Variants in METTL24 observed in about 807,000 individuals in gnomAD.
METTL24 encodes methyltransferase like 24.
Under a neutral mutation model 32.7 loss-of-function variants are expected in METTL24, and 29 were observed. The ratio of observed to expected loss-of-function variants is 0.89; its 90% confidence interval spans 0.66 to 1.21. The LOEUF is 1.21. METTL24 is among the 50% of genes most tolerant of loss of function. The probability of loss-of-function intolerance (pLI) is 0.00; values close to 1 mark genes in which losing one functional copy is unlikely to be tolerated. For missense variants in METTL24, 439 were observed against 468.1 expected, an observed-to-expected ratio of 0.94 and a Z score of 0.57; for synonymous variants, 163 against 179.5, an observed-to-expected ratio of 0.91 and a Z score of 0.73.
intron 4 of METTL24, among the ~76,000 whole-genome samples, chr6:110,258,667 G>C (rs371529807): frequency 3.3e-5 from 5 of 152,074 alleles, no homozygotes; most frequent in African/African-American, 9.6e-5. Context: ...GTGAAAATCT[G>C]ATCCAACTCC....
rs569967211 is a variant in METTL24, at chr6:110,282,689, C to T, written c.786+16233G>A. On this transcript the variant is annotated intron_variant, in intron 4 of 4. Coordinates refer to ENST00000338882, the MANE Select transcript of METTL24 (RefSeq NM_001123364.3). ...TTAACATTGCTCTCCTGTGCCAATACCAAGACCAGAGTAATTATAAGAAAC... is the reference window on the plus strand; with the variant it reads ...TTAACATTGCTCTCCTGTGCCAATATCAAGACCAGAGTAATTATAAGAAAC... Among the ~76,000 whole-genome samples, 3 of 151,142 alleles carry T rather than the reference C, an allele frequency of 2.0e-5. No homozygotes were observed. The South Asian group carries it at 6.3e-4, about 32-fold the overall frequency.
intron 1 of METTL24, among the ~76,000 whole-genome samples, chr6:110,353,915 T>C (rs1440474719): frequency 6.6e-6 from 1 of 152,018 alleles, no homozygotes; most frequent in African/African-American, 2.4e-5. Flanking sequence ...GTAATCATAG[T>C]AAAGGTCTGT....
chr6:110,350,819 A>AAATAAAATAAAATAAAAT (rs1582447729), intron 1 of METTL24, among the ~76,000 whole-genome samples: 1 of 145,514 alleles, frequency 6.9e-6, no homozygotes, highest in Non-Finnish European at 1.5e-5. Context: ...AAATAAAATA[A>AAATAAAATAAAATAAAAT]AAAATTAGGC....
chr6:110,292,850 A>G (rs1582405740), intron 4 of METTL24, among the ~76,000 whole-genome samples: 1 of 152,070 alleles, frequency 6.6e-6, no homozygotes, highest in African/African-American at 2.4e-5. Flanking sequence ...AATTTTACTG[A>G]CACATCCATC....
chr6:110,253,384 G>C (rs988243446), intron 4 of METTL24, among the ~76,000 whole-genome samples: 4 of 152,128 alleles, frequency 2.6e-5, no homozygotes, highest in Admixed American at 2.0e-4. Context: ...ATCAATTGTT[G>C]GGTTAAAAAG....
chr6:110,349,529 C>T (rs1374455739), intron 1 of METTL24, among the ~76,000 whole-genome samples: 1 of 152,180 alleles, frequency 6.6e-6, no homozygotes, highest in Non-Finnish European at 1.5e-5. Flanking sequence ...TAAACTGGCC[C>T]CTCCCACCCA....
At chr6:110,250,944 A>C (rs972966164) in intron 4 of METTL24, among the ~76,000 whole-genome samples, 5 of 152,200 alleles carry the variant, frequency 3.3e-5, no homozygotes, top group African/African-American at 1.2e-4. Context: ...TACAGTTTCT[A>C]ATCTGAGCCT....
In METTL24 at chr6:110,298,943, C is replaced by CA. The variant is rs1485562977; in HGVS notation, c.764dup (p.Leu255PhefsTer3). On this transcript the variant is annotated frameshift_variant, in exon 4 of 5. Coordinates refer to ENST00000338882, the MANE Select transcript of METTL24 (RefSeq NM_001123364.3). LOFTEE classifies it high-confidence loss of function. ...TCACCTTGTGATGTCCAAATTCATT[C>CA]AAAATGCTTCCCAGTTTTCTGGTGT... 6.2e-7 allele frequency: 1 copy of CA among 1,613,974 alleles called. No homozygotes were observed. The highest frequency in any genetic ancestry group is 8.5e-7 in the Non-Finnish European group (1 of 1,180,022).
chr6:110,318,229 G>T (rs1036347472), intron 2 of METTL24, among the ~76,000 whole-genome samples: 1 of 152,218 alleles, frequency 6.6e-6, no homozygotes, highest in Non-Finnish European at 1.5e-5. Flanking sequence ...ATGACACTTT[G>T]TCTACTTTAA....
intron 4 of METTL24, among the ~76,000 whole-genome samples, chr6:110,268,306 T>G (rs751744503): frequency 2.5e-4 from 38 of 152,158 alleles, no homozygotes; most frequent in Non-Finnish European, 4.7e-4. Context: ...ACATATCTAT[T>G]AAGTGGTGGA....
At chr6:110,322,691 A>G (rs1484575704) in intron 2 of METTL24, 83 bp downstream of exon 2, 2 of 1,172,992 alleles carry the variant, frequency 1.7e-6, no homozygotes, top group Non-Finnish European at 2.5e-6. Flanking sequence ...AGTCGCTGAG[A>G]ACCTCCCCCA....
At chr6:110,273,157 G>A (rs916146905) in intron 4 of METTL24, among the ~76,000 whole-genome samples, 1 of 152,054 alleles carries the variant, frequency 6.6e-6, no homozygotes, top group African/African-American at 2.4e-5. Context: ...TGAGAGATGA[G>A]GATCCAGTTT....
intron 1 of METTL24, among the ~76,000 whole-genome samples, chr6:110,354,715 G>T (rs1038574164): frequency 2.6e-5 from 4 of 152,200 alleles, no homozygotes; most frequent in Admixed American, 1.3e-4. Flanking sequence ...TTTGTTCCCA[G>T]AAGTGGGAGG....
intron 4 of METTL24, among the ~76,000 whole-genome samples, chr6:110,252,593 C>A (rs1178216448): frequency 1.3e-5 from 2 of 152,202 alleles, no homozygotes; most frequent in Admixed American, 6.5e-5. Flanking sequence ...CAACCACTAT[C>A]TCCATAAGCA....
intron 4 of METTL24, among the ~76,000 whole-genome samples, chr6:110,288,985 G>A (rs1771272810): frequency 6.6e-6 from 1 of 152,164 alleles, no homozygotes; most frequent in African/African-American, 2.4e-5. Context: ...GATGGGAGGA[G>A]AGTGACACAC....
At chr6:110,267,534 T>C (rs1338385036) in intron 4 of METTL24, among the ~76,000 whole-genome samples, 1 of 152,228 alleles carries the variant, frequency 6.6e-6, no homozygotes, top group East Asian at 1.9e-4. Flanking sequence ...TCACTGGATA[T>C]TGTTGAAAAG....
intron 4 of METTL24, among the ~76,000 whole-genome samples, chr6:110,264,938 C>A (rs1770823598): frequency 2.0e-5 from 3 of 151,726 alleles, no homozygotes; most frequent in African/African-American, 7.3e-5. Flanking sequence ...CACATGGACA[C>A]AGGAAGGGGA....
intron 1 of METTL24, among the ~76,000 whole-genome samples, chr6:110,323,610 C>G (rs1562237502): frequency 6.6e-6 from 1 of 152,076 alleles, no homozygotes. Flanking sequence ...AAATGGTAGC[C>G]CCTCCAGTAA....
intron 4 of METTL24, among the ~76,000 whole-genome samples, chr6:110,249,849 CAAAG>C (rs1778242793): frequency 6.6e-6 from 1 of 151,890 alleles, no homozygotes; most frequent in Non-Finnish European, 1.5e-5. Flanking sequence ...AGAAAGGTCT[CAAAG>C]AAAGAAGGTG....
Sources: allele counts gnomAD v4.1 joint callset (sites outside exome capture counted in the v4.1 genomes callset), GRCh38; gene constraint gnomAD v4.1.1; transcripts MANE v1.5; gene names NCBI Gene and HGNC (gene_info 2026-07-23, HGNC 2026-07-21).